CLEC12A: variants seen among roughly 807,000 people sequenced by gnomAD.
The protein encoded by CLEC12A is C-type lectin domain family 12 member A.
Under a neutral mutation model 26.5 loss-of-function variants are expected in CLEC12A, and 22 were observed. That is an observed-to-expected ratio of 0.83 (90% CI 0.59 to 1.19). The LOEUF is 1.19. CLEC12A is among the 50% of genes most tolerant of loss of function. The pLI, the probability that CLEC12A is intolerant of heterozygous loss-of-function variation, is 0.00. For missense variants in CLEC12A, 353 were observed against 315.6 expected, an observed-to-expected ratio of 1.12 and a Z score of -0.90; for synonymous variants, 119 against 101.9, an observed-to-expected ratio of 1.17 and a Z score of -1.01.
chr12:9,987,217 C>T (rs576390322), downstream of CLEC12A, among the ~76,000 whole-genome samples: 2 of 152,298 alleles, frequency 1.3e-5, no homozygotes, highest in African/African-American at 2.4e-5. Flanking sequence ...AGGAAAGAGG[C>T]CCCCTACTTA....
At chr12:9,963,924 G>A (rs1863882818) in intron 1 of CLEC12A, among the ~76,000 whole-genome samples, 1 of 152,186 alleles carries the variant, frequency 6.6e-6, no homozygotes, top group African/African-American at 2.4e-5. Context: ...AAAATGTTGA[G>A]TGTCTATGAG....
downstream of CLEC12A, among the ~76,000 whole-genome samples, chr12:9,987,820 T>A (rs541150976): frequency 2.6e-4 from 40 of 152,244 alleles, no homozygotes; most frequent in South Asian, 4.1e-4. Context: ...TTATTTATTT[T>A]TTTTTGAGAC....
chr12:10,005,002 A>G, the CLEC12A span, among the ~76,000 whole-genome samples: 1 of 151,486 alleles, frequency 6.6e-6, no homozygotes, highest in Non-Finnish European at 1.5e-5. Context: ...TGAATCAAAG[A>G]GAAAGTGAAA....
At chr12:9,973,775 T>C (rs939268648) in intron 1 of CLEC12A, among the ~76,000 whole-genome samples, 3 of 152,282 alleles carry the variant, frequency 2.0e-5, no homozygotes, top group African/African-American at 7.2e-5. Flanking sequence ...TTTCAGTCCA[T>C]GTGTCGTTTT....
chr12:9,971,862 T>G (rs1175384985), intron 1 of CLEC12A, among the ~76,000 whole-genome samples, 175 bp downstream of exon 1: 1 of 152,186 alleles, frequency 6.6e-6, no homozygotes, highest in African/African-American at 2.4e-5. Flanking sequence ...AAAAGGGTTT[T>G]GTAAAAACAC....
exon 5 of CLEC12A, chr12:9,995,306 G>C (rs1285984455): frequency 7.2e-7 from 1 of 1,398,044 alleles, no homozygotes; most frequent in East Asian, 2.3e-5. Context: ...TGGTATGATA[G>C]ACAAAGCTTC....
At chr12:9,975,292 A>T (rs1290690057) in intron 1 of CLEC12A, among the ~76,000 whole-genome samples, 1 of 152,186 alleles carries the variant, frequency 6.6e-6, no homozygotes, top group Admixed American at 6.5e-5. Context: ...TCAGAAGAAG[A>T]CAGAAAAATG....
downstream of CLEC12A, chr12:9,997,231 C>G (rs747895438): frequency 3.1e-6 from 5 of 1,613,612 alleles, no homozygotes; most frequent in Non-Finnish European, 4.2e-6. Flanking sequence ...TTGCAGAGTT[C>G]CTGTGCGATT....
chr12:9,980,697 T>G lies in CLEC12A; in HGVS notation c.495T>G (p.Asn165Lys), dbSNP rs768511603. The G allele has an allele frequency of 1.2e-6, 2 of 1,613,662 alleles. No homozygotes were observed. The highest frequency in any genetic ancestry group is 4.5e-5 in the East Asian group (2 of 44,892). Reference protein sequence around the residue: ...QESKMACAAQNASLLKINNKN... With the variant: ...QESKMACAAQKASLLKINNKN... Reference sequence around the variant, plus strand: ...GTAAAATGGCCTGTGCTGCTCAGAATGCCAGCCTGTTGAAGATAAACAACA... The same window carrying G: ...GTAAAATGGCCTGTGCTGCTCAGAAGGCCAGCCTGTTGAAGATAAACAACA... The change falls in exon 4 of 6, where the codon AAT (asparagine) becomes AAG (lysine). Residue 165 changes from asparagine (N) to lysine (K), a missense_variant. By Grantham distance (94) the Asn-to-Lys change is moderately conservative (BLOSUM62 0). Coordinates refer to ENST00000304361, the MANE Select transcript of CLEC12A (RefSeq NM_138337.6).
intron 1 of CLEC12A, among the ~76,000 whole-genome samples, chr12:9,961,594 G>A (rs1863830050): frequency 6.6e-6 from 1 of 152,120 alleles, no homozygotes; most frequent in Admixed American, 6.5e-5. Context: ...GGCAAAATTT[G>A]AGGGGCTCCA....
At chr12:9,993,458 A>G (rs2137230660) in intron 4 of CLEC12A, 7 of 628,300 alleles carry the variant, frequency 1.1e-5, no homozygotes, top group South Asian at 1.9e-5. Flanking sequence ...GCTTGGCAGT[A>G]CAAGATATGC....
chr12:9,998,444 C>A, downstream of CLEC12A: 2 of 1,041,200 alleles, frequency 1.9e-6, no homozygotes, highest in Non-Finnish European at 1.5e-6. Flanking sequence ...GGAAGGCTCA[C>A]CCCTGCCCCT....
Position 9,977,636 on chromosome 12 carries a change from A to G in CLEC12A, c.92-1330A>G, listed in dbSNP as rs528876823. ...ATAAGATTTGAACTGCCTGCTCTCT[A>G]TAACAGCTTAGTTTTAAATCTCTGC... is the stretch of plus-strand genomic sequence containing the variant. On this transcript the variant is annotated intron_variant, in intron 1 of 5. Coordinates refer to ENST00000304361, the MANE Select transcript of CLEC12A (RefSeq NM_138337.6). Among the ~76,000 whole-genome samples, 7 of 152,292 alleles carry G rather than the reference A, an allele frequency of 4.6e-5. No homozygotes were observed. In the East Asian group the frequency reaches 9.6e-4, roughly 21 times the overall value.
At chr12:9,997,257 T>C, downstream of CLEC12A, 1 of 1,612,332 alleles carries the variant, frequency 6.2e-7, no homozygotes, top group Middle Eastern at 1.7e-4. Flanking sequence ...TCTCACCTTG[T>C]AGGTAATTGC....
chr12:9,966,643 G>A (rs1464802988), upstream of CLEC12A, among the ~76,000 whole-genome samples: 3 of 151,956 alleles, frequency 2.0e-5, no homozygotes, highest in Non-Finnish European at 4.4e-5. Context: ...GTGGAGGCAA[G>A]GAATTGCAAC....
chr12:9,983,925 G>A (rs372594982), intron 5 of CLEC12A: 1 of 198,214 alleles, frequency 5.0e-6, no homozygotes, highest in South Asian at 8.3e-5. Context: ...TAGAGACAAA[G>A]GTAATGTGTG....
At chr12:10,002,688 C>T in the CLEC12A span, among the ~76,000 whole-genome samples, 4 of 152,056 alleles carry the variant, frequency 2.6e-5, no homozygotes, top group East Asian at 1.9e-4. Flanking sequence ...GTGATCCGCC[C>T]GCCTCGGCCT....
chr12:9,994,319 G>A (rs1049182502), intron 4 of CLEC12A, among the ~76,000 whole-genome samples: 1 of 152,126 alleles, frequency 6.6e-6, no homozygotes, highest in African/African-American at 2.4e-5. Context: ...ATAGGAGATA[G>A]GAGATAAAGC....
downstream of CLEC12A, among the ~76,000 whole-genome samples, chr12:9,989,319 T>C (rs545226802): frequency 6.6e-6 from 1 of 151,592 alleles, no homozygotes; most frequent in African/African-American, 2.4e-5. Context: ...AATATGTAAC[T>C]AACCTGCACG....
Sources: gnomAD v4.1 joint callset for allele counts (sites outside exome capture counted in the v4.1 genomes callset) on GRCh38, gnomAD v4.1.1 for gene constraint, MANE v1.5 for transcripts, NCBI Gene and HGNC (gene_info 2026-07-23, HGNC 2026-07-21) for gene names.